Variants in BNC2 observed in about 807,000 individuals in gnomAD.
BNC2 encodes basonuclin zinc finger protein 2, also known as zinc finger protein basonuclin-2.
Under a neutral mutation model 76.3 loss-of-function variants are expected in BNC2, and 20 were observed. That is an observed-to-expected ratio of 0.26 (90% confidence interval 0.18 to 0.38). The LOEUF (loss-of-function observed/expected upper bound fraction) is 0.38. BNC2 is among the 10% of genes least tolerant of loss of function. The pLI is 1.00. For synonymous variants in BNC2, 582 were observed against 514.8 expected (o/e 1.13, Z -1.77); for missense variants, 1,382 against 1,399.8 (o/e 0.99, Z 0.20).
At chr9:16,803,585 G>A (rs1817834454) in intron 1 of BNC2, among the ~76,000 whole-genome samples, 1 of 152,156 alleles carries the variant, frequency 6.6e-6, no homozygotes, top group Non-Finnish European at 1.5e-5. Flanking sequence ...ATCTGGCTGG[G>A]CCCCACTGGA....
At chr9:16,765,872 T>C (rs910772555) in intron 1 of BNC2, among the ~76,000 whole-genome samples, 72 of 151,844 alleles carry the variant, frequency 4.7e-4, no homozygotes, top group Admixed American at 1.1e-3. Flanking sequence ...CTGCAAGCTC[T>C]GCCTCCCGGG....
chr9:16,701,271 T>G (rs1349705356), intron 3 of BNC2, among the ~76,000 whole-genome samples: 1 of 152,224 alleles, frequency 6.6e-6, no homozygotes, highest in Non-Finnish European at 1.5e-5. Context: ...ACTAACTTTC[T>G]TTTTTCTTTT....
chr9:16,589,157 C>A (rs555852999), intron 3 of BNC2, among the ~76,000 whole-genome samples: 1 of 152,204 alleles, frequency 6.6e-6, no homozygotes, highest in South Asian at 2.1e-4. Flanking sequence ...TTAACCTTCA[C>A]CAATCTCCCA....
At chr9:16,420,360 T>G (rs1055466317) in intron 6 of BNC2, among the ~76,000 whole-genome samples, 1 of 152,172 alleles carries the variant, frequency 6.6e-6, no homozygotes, top group Non-Finnish European at 1.5e-5. Flanking sequence ...ATACATTTAC[T>G]TTTTAGAAGT....
intron 3 of BNC2, among the ~76,000 whole-genome samples, chr9:16,652,740 C>A (rs1238642207): frequency 6.6e-6 from 1 of 152,128 alleles, no homozygotes; most frequent in Non-Finnish European, 1.5e-5. Flanking sequence ...ACAGCTCAAT[C>A]TTATGGACAG....
chr9:16,775,826 T>G (rs757024471), intron 1 of BNC2: 4 of 154,994 alleles, frequency 2.6e-5, no homozygotes, highest in Non-Finnish European at 5.8e-5. Flanking sequence ...ATGTCCTCAA[T>G]GAGGCTGGTG....
chr9:16,722,730 C>T (rs1824194036), intron 3 of BNC2, among the ~76,000 whole-genome samples: 1 of 152,122 alleles, frequency 6.6e-6, no homozygotes, highest in Non-Finnish European at 1.5e-5. Flanking sequence ...AAAATACACA[C>T]CTGAGAATAT....
chr9:16,554,252 G>A (rs924532716), intron 4 of BNC2, among the ~76,000 whole-genome samples: 8 of 152,146 alleles, frequency 5.3e-5, no homozygotes, highest in Non-Finnish European at 8.8e-5. Flanking sequence ...TTAAAAGTGC[G>A]TGCACACAGA....
intron 3 of BNC2, among the ~76,000 whole-genome samples, chr9:16,656,172 G>C (rs1351032661): frequency 2.0e-5 from 3 of 152,164 alleles, no homozygotes; most frequent in Non-Finnish European, 2.9e-5. Flanking sequence ...AATGTTACCA[G>C]TTCCAAGGCT....
chr9:16,693,658 A>C (rs1475984883), intron 3 of BNC2, among the ~76,000 whole-genome samples: 2 of 152,246 alleles, frequency 1.3e-5, no homozygotes, highest in Non-Finnish European at 2.9e-5. Context: ...ATAACTTAAA[A>C]CAATGGAGAG....
At chr9:16,617,106 CA>C (rs1490934217) in intron 3 of BNC2, among the ~76,000 whole-genome samples, 1 of 152,110 alleles carries the variant, frequency 6.6e-6, no homozygotes, top group African/African-American at 2.4e-5. Flanking sequence ...CATTTGAGAA[CA>C]CAGAAATTGA....
chr9:16,764,541 T>C (rs1004613478), intron 1 of BNC2, among the ~76,000 whole-genome samples: 4 of 152,202 alleles, frequency 2.6e-5, no homozygotes, highest in Non-Finnish European at 5.9e-5. Flanking sequence ...ATAAATTGTA[T>C]TGGTTAATAA....
chr9:16,752,076 C>T (rs1188617798), intron 1 of BNC2, among the ~76,000 whole-genome samples: 1 of 152,024 alleles, frequency 6.6e-6, no homozygotes, highest in Non-Finnish European at 1.5e-5. Context: ...TTTTTATGTA[C>T]GGTAACTTGA....
At chr9:16,489,514 G>C (rs1206527564) in intron 5 of BNC2, among the ~76,000 whole-genome samples, 1 of 152,194 alleles carries the variant, frequency 6.6e-6, no homozygotes, top group South Asian at 2.1e-4. Context: ...GGAAGGCTGA[G>C]TTGAAATGTA....
At chr9:16,468,106 A>G (rs549359811) in intron 5 of BNC2, among the ~76,000 whole-genome samples, 64 of 149,270 alleles carry the variant, frequency 4.3e-4, no homozygotes, top group African/African-American at 1.5e-3. Flanking sequence ...AGTGGCACCA[A>G]CATGGCTCAC....
At chr9:16,792,390 C>T (rs1338362056) in intron 1 of BNC2, among the ~76,000 whole-genome samples, 7 of 152,118 alleles carry the variant, frequency 4.6e-5, no homozygotes, top group African/African-American at 1.7e-4. Context: ...ATCTGCTTTC[C>T]TCAGAAAGAA....
At chr9:16,674,308 G>C (rs997863501) in intron 3 of BNC2, among the ~76,000 whole-genome samples, 5 of 152,112 alleles carry the variant, frequency 3.3e-5, no homozygotes, top group Non-Finnish European at 7.4e-5. Flanking sequence ...CAGAGATGGA[G>C]GAAAATTAAT....
intron 1 of BNC2, among the ~76,000 whole-genome samples, chr9:16,835,148 C>G (rs555695148): frequency 6.6e-6 from 1 of 152,188 alleles, no homozygotes; most frequent in African/African-American, 2.4e-5. Context: ...ACAATTCATA[C>G]AGATGAGATG....
chr9:16,761,240 C>A (rs539311128), intron 1 of BNC2, among the ~76,000 whole-genome samples: 1 of 151,678 alleles, frequency 6.6e-6, no homozygotes, highest in African/African-American at 2.4e-5. Context: ...AGAGTAAGAC[C>A]GTCTCAAAAC....
Sources: allele counts gnomAD v4.1 joint callset (sites outside exome capture counted in the v4.1 genomes callset), GRCh38; gene constraint gnomAD v4.1.1; transcripts MANE v1.5; gene names NCBI Gene and HGNC (gene_info 2026-07-23, HGNC 2026-07-21).